Variants in PRRC2B observed in about 807,000 individuals in gnomAD.
PRRC2B encodes protein PRRC2B.
In PRRC2B, 68 loss-of-function variants were observed where a neutral mutation model predicts 242.3. The observed-to-expected ratio is 0.28, with a 90% CI of 0.23 to 0.34. PRRC2B has a LOEUF of 0.34. Among genes scored for constraint, PRRC2B ranks in the 10% least tolerant of loss-of-function variants. The pLI is 1.00. For missense variants in PRRC2B, 2,835 were observed against 2,954.8 expected (o/e 0.96, Z 0.94); for synonymous variants, 1,228 against 1,173.6 (o/e 1.05, Z -0.95).
At chr9:131,419,152 T>TA (rs764530376) in intron 1 of PRRC2B, among the ~76,000 whole-genome samples, 13 of 152,338 alleles carry the variant, frequency 8.5e-5, no homozygotes, top group Middle Eastern at 3.4e-3. Context: ...AGTAAATAGC[T>TA]ACGTTTATTG....
intron 1 of PRRC2B, among the ~76,000 whole-genome samples, chr9:131,414,832 A>G (rs1235449678): frequency 6.6e-6 from 1 of 151,738 alleles, no homozygotes; most frequent in Non-Finnish European, 1.5e-5. Flanking sequence ...GGCCTCCCAA[A>G]GTGCTGGGAT....
intron 1 of PRRC2B, among the ~76,000 whole-genome samples, chr9:131,402,850 C>G (rs1228322754): frequency 3.3e-5 from 5 of 152,122 alleles, no homozygotes; most frequent in African/African-American, 1.2e-4. Context: ...CAGAGAGTGC[C>G]GAGGCCCTTT....
intron 11 of PRRC2B, among the ~76,000 whole-genome samples, chr9:131,464,011 G>A (rs1425614184): frequency 1.3e-5 from 2 of 151,164 alleles, no homozygotes; most frequent in Non-Finnish European, 2.9e-5. Flanking sequence ...GCGCGATCTC[G>A]GCTCACTGCA....
At chr9:131,491,162 C>T (rs529329683) in intron 28 of PRRC2B, 3 of 431,886 alleles carry the variant, frequency 6.9e-6, no homozygotes, top group South Asian at 8.6e-5. Context: ...GTTCCCATGC[C>T]TGCAGCCAGC....
chr9:131,421,838 G>A (rs1157612759), intron 1 of PRRC2B, among the ~76,000 whole-genome samples: 1 of 152,172 alleles, frequency 6.6e-6, no homozygotes, highest in Non-Finnish European at 1.5e-5. Context: ...TGGCCAGAAA[G>A]CAGCTGTTGA....
intron 1 of PRRC2B, among the ~76,000 whole-genome samples, chr9:131,399,908 CTG>C (rs1467876296): frequency 1.3e-5 from 2 of 152,090 alleles, no homozygotes; most frequent in African/African-American, 4.8e-5. Context: ...ATAAGAGAAA[CTG>C]TAGGGAGCAT....
At chr9:131,390,038 A>G (rs1836879639), upstream of PRRC2B, among the ~76,000 whole-genome samples, 1 of 143,562 alleles carries the variant, frequency 7.0e-6, no homozygotes, top group African/African-American at 2.6e-5. Flanking sequence ...CTCCTGCCTC[A>G]GCCTCCCGAG....
chr9:131,483,877 C>T (rs978950871), intron 23 of PRRC2B, among the ~76,000 whole-genome samples: 3 of 152,206 alleles, frequency 2.0e-5, no homozygotes, highest in Non-Finnish European at 4.4e-5. Flanking sequence ...GCAGTTGCAT[C>T]TGTTGTGGCC....
chr9:131,473,932 C>T (rs1588272816), intron 15 of PRRC2B, among the ~76,000 whole-genome samples: 1 of 152,110 alleles, frequency 6.6e-6, no homozygotes, highest in African/African-American at 2.4e-5. Flanking sequence ...GATGGTGAGA[C>T]GTAAGGTGAA....
chr9:131,398,381 G>A (rs556412955), intron 1 of PRRC2B, among the ~76,000 whole-genome samples: 8 of 152,256 alleles, frequency 5.3e-5, no homozygotes, highest in Admixed American at 5.2e-4. Flanking sequence ...CACCTCCGAG[G>A]TGCTGGCAGC....
In PRRC2B at chr9:131,484,769, C is replaced by A. The variant is rs761349319; in HGVS notation, c.5544C>A (p.Pro1848=). 6.2e-7 allele frequency: 1 copy of A among 1,611,360 alleles called. No individual in the cohort carries two copies. ...RAIGLSPMSF[P]TADLTLKMES... ...TCGGTCTCTCCCCAATGTCCTTCCCCACCGCCGACCTTACTCTGAAGGTAA... is the reference window on the plus strand; with the variant it reads ...TCGGTCTCTCCCCAATGTCCTTCCCAACCGCCGACCTTACTCTGAAGGTAA... Residue 1848 remains proline, a synonymous_variant, in exon 24 of 32, where the codon CCC becomes CCA. Transcript: ENST00000683519.
chr9:131,405,673 C>T (rs1837342236), intron 1 of PRRC2B, among the ~76,000 whole-genome samples: 3 of 152,132 alleles, frequency 2.0e-5, no homozygotes, highest in Non-Finnish European at 4.4e-5. Context: ...GGGATTTGTG[C>T]TCTGGCAAGA....
At chr9:131,402,424 T>C (rs1837251447) in intron 1 of PRRC2B, among the ~76,000 whole-genome samples, 1 of 152,384 alleles carries the variant, frequency 6.6e-6, no homozygotes, top group South Asian at 2.1e-4. Context: ...GTGTCAGAAC[T>C]AACTTCATTC....
chr9:131,448,014 C>G lies in PRRC2B; in HGVS notation c.1120+210C>G, dbSNP rs181088979. The G allele has an allele frequency of 9.2e-6, 4 of 433,374 alleles. No homozygotes were observed. The Admixed American group carries it at 1.2e-4, about 13-fold the overall frequency. The allele number at this position is 433,374 out of a possible 1,614,324, so 26.8% of individuals were successfully genotyped here. On this transcript the variant is annotated intron_variant, in intron 9 of 31. Coordinates refer to ENST00000683519, the MANE Select transcript of PRRC2B (RefSeq NM_013318.4). Reference sequence around the variant, plus strand: ...GGCCAAGCCATTAGCTTCTTTTGGTCTTTAGTCTTGATCTTAGAGTTTTGT... The same window carrying G: ...GGCCAAGCCATTAGCTTCTTTTGGTGTTTAGTCTTGATCTTAGAGTTTTGT...
intron 4 of PRRC2B, among the ~76,000 whole-genome samples, chr9:131,438,427 C>T (rs944072846): frequency 1.3e-5 from 2 of 152,032 alleles, no homozygotes; most frequent in East Asian, 1.9e-4. Context: ...CTGACCCTGG[C>T]GAGTTTTCAG....
intron 15 of PRRC2B, among the ~76,000 whole-genome samples, 169 bp downstream of exon 15, chr9:131,473,893 T>A (rs891209492): frequency 1.3e-5 from 2 of 152,120 alleles, no homozygotes; most frequent in Admixed American, 6.5e-5. Context: ...GAGGATTGCT[T>A]GAATGCTTTG....
In PRRC2B at chr9:131,475,625, G is replaced by A. The variant is rs1156840396; in HGVS notation, c.3496G>A (p.Glu1166Lys). ...GNEGSLLERE[E>K]STLKKGDCRD... The stretch of plus-strand genomic sequence containing the variant: ...TGAAGGCTCGCTCCTGGAGAGGGAG[G>A]AGAGCACCTTGAAGAAGGGCGACTG... The change falls in exon 16 of 32, where the codon GAG becomes AAG. Residue 1166 changes from glutamate (E) to lysine (K), a missense_variant. Glu to Lys is a moderately conservative substitution (Grantham distance 56). This residue lies in a region of PRRC2B where 1,536 missense variants were observed against 1,483.1 expected (regional missense o/e 1.04). Coordinates refer to ENST00000683519, the MANE Select transcript of PRRC2B (RefSeq NM_013318.4). 1.2e-6 allele frequency: 2 copies of A among 1,611,998 alleles called. No homozygotes were observed. The highest frequency in any genetic ancestry group is 2.7e-5 in the African/African-American group (2 of 74,892).
rs375925585 is a variant in PRRC2B at position 131,487,833 on chromosome 9, G to C, written c.5985-23G>C. On this transcript the variant is annotated intron_variant, in intron 27 of 31. Transcript: ENST00000683519. This position sits in a 1 kb window ranked among gnomAD's most constrained non-coding sequence, Gnocchi z 5.3. ...CAGCTGGACTCATCCACCTGATCCCGACCATCTGTCTGGCTTTTGCAGATC... is the reference window on the plus strand; with the variant it reads ...CAGCTGGACTCATCCACCTGATCCCCACCATCTGTCTGGCTTTTGCAGATC... The C allele has an allele frequency of 2.5e-6, 4 of 1,595,592 alleles. No individual in the cohort carries two copies. The highest frequency in any genetic ancestry group is 3.4e-6 in the Non-Finnish European group (4 of 1,165,952).
chr9:131,395,479 G>A (rs1372264628), intron 1 of PRRC2B, among the ~76,000 whole-genome samples: 2 of 152,132 alleles, frequency 1.3e-5, no homozygotes, highest in Non-Finnish European at 2.9e-5. Flanking sequence ...TCTTTCTTCC[G>A]TAAACCTAGT....
Sources: allele counts gnomAD v4.1 joint callset (sites outside exome capture counted in the v4.1 genomes callset), GRCh38; gene constraint gnomAD v4.1.1; regional missense constraint gnomAD v4.1.1; non-coding constraint Gnocchi (gnomAD v3.1); transcripts MANE v1.5; gene names NCBI Gene and HGNC (gene_info 2026-07-23, HGNC 2026-07-21).